ATP2A1: variants seen among roughly 807,000 people sequenced by gnomAD.
ATP2A1 encodes sarcoplasmic/endoplasmic reticulum calcium ATPase 1.
Under a neutral mutation model 109.5 loss-of-function variants are expected in ATP2A1, and 83 were observed. The ratio of observed to expected loss-of-function variants is 0.76; its 90% confidence interval spans 0.63 to 0.91. The LOEUF is 0.91. ATP2A1 is among the 40% of genes least tolerant of loss of function. ATP2A1 has a pLI of 0.00. For missense variants in ATP2A1, 1,101 were observed against 1,341.0 expected (o/e 0.82, Z 2.80); for synonymous variants, 505 against 537.6 (o/e 0.94, Z 0.84).
Position 28,879,134 on chromosome 16 carries a change from C to T in ATP2A1, c.136+18C>T. On this transcript the variant is annotated intron_variant, in intron 2 of 22. Transcript: ENST00000395503. ...TGAGGAAGGTAAGTTACTGGAATCC[C>T]TGAACTCTCATAAATGACCACCCCC... 1 of 1,614,024 alleles carries T rather than the reference C, an allele frequency of 6.2e-7. No individual in the cohort carries two copies. The highest frequency in any genetic ancestry group is 8.5e-7 in the Non-Finnish European group (1 of 1,179,950).
rs1409892710 is a variant in ATP2A1, at chr16:28,898,071, T to G, written c.1491T>G (p.Tyr497Ter). The part of the protein sequence containing the change: ...FSRDRKSMSV[Y>*]CSPAKSSRAA... ...GAGACAGAAAGTCCATGTCTGTCTA[T>G]TGCTCCCCAGCCAAATCTTCCCGGG... Residue 497 changes from tyrosine to a stop codon, truncating the protein, a stop_gained, in exon 13 of 23, where the codon TAT (tyrosine) becomes TAG (stop). Transcript: ENST00000395503. LOFTEE classifies it high-confidence loss of function. The surrounding 1 kb of genome is among the most constrained non-coding windows in gnomAD (Gnocchi z 4.0). 1 of 1,614,028 alleles carries G rather than the reference T, an allele frequency of 6.2e-7. No homozygotes were observed. Among genetic ancestry groups the G allele is most frequent in the African/African-American group, 1.3e-5 (1 of 74,928 alleles).
chr16:28,888,015 A>G (rs1054127909), intron 8 of ATP2A1, among the ~76,000 whole-genome samples: 8 of 150,596 alleles, frequency 5.3e-5, no homozygotes, highest in Middle Eastern at 3.4e-3. Flanking sequence ...GTTAGCCAGG[A>G]TGGTCTCGAT....
At position 28,880,058 on chromosome 16, in the gene ATP2A1, G is replaced by A. The variant is rs1963414395; in HGVS notation, c.219+475G>A. 4 of 1,004,276 alleles carry A rather than the reference G, an allele frequency of 4.0e-6. No homozygotes were observed. The highest frequency in any genetic ancestry group is 1.7e-5 in the African/African-American group (1 of 57,316). The allele number at this position is 1,004,276 out of a possible 1,614,324, so 62.2% of individuals were successfully genotyped here. On this transcript the variant is annotated intron_variant, in intron 3 of 22. Transcript: ENST00000395503. The surrounding 1 kb of genome is among the most constrained non-coding windows in gnomAD (Gnocchi z 4.2). ...CTCGCTCCTAGTGGCGGGAAAGCGC[G>A]GCGGTGTGATGATGACTCCAAGGAG...
At chr16:28,893,649 T>G (rs1490870254) in intron 9 of ATP2A1, among the ~76,000 whole-genome samples, 4 of 114,810 alleles carry the variant, frequency 3.5e-5, no homozygotes, top group East Asian at 3.0e-4. Flanking sequence ...TTGTGGGTTT[T>G]TTTTTGTTTT....
intron 15 of ATP2A1, 115 bp downstream of exon 15, chr16:28,901,031 G>C (rs879110439): frequency 7.3e-7 from 1 of 1,362,158 alleles, no homozygotes; most frequent in East Asian, 2.4e-5. Flanking sequence ...GAAGGGTGGG[G>C]ATTCAGACCC....
chr16:28,879,847 G>T, intron 3 of ATP2A1: 1 of 577,456 alleles, frequency 1.7e-6, no homozygotes, highest in Non-Finnish European at 2.7e-6. Flanking sequence ...TCAAGAGCTT[G>T]GAGAGCTCGG....
chr16:28,902,143 C>A lies in ATP2A1; in HGVS notation c.2322-41C>A. 6.2e-7 allele frequency: 1 copy of A among 1,613,930 alleles called. No homozygotes were observed. Among genetic ancestry groups the A allele is most frequent in the Non-Finnish European group, 8.5e-7 (1 of 1,179,780 alleles). On this transcript the variant is annotated intron_variant, in intron 16 of 22. Coordinates refer to ENST00000395503, the MANE Select transcript of ATP2A1 (RefSeq NM_004320.6). The surrounding 1 kb of genome is among the most constrained non-coding windows in gnomAD (Gnocchi z 4.8). ...GGGTTAGGGTGGGGTGGCTGCAGGT[C>A]TGGGAGGCAGGACAGAGGTGTGACC...
At chr16:28,899,758 TGAGAC>T (rs1249865934) in intron 14 of ATP2A1, among the ~76,000 whole-genome samples, 2 of 147,896 alleles carry the variant, frequency 1.4e-5, no homozygotes, top group Non-Finnish European at 3.0e-5. Flanking sequence ...GTTAGGAGTT[TGAGAC>T]CAACCTGGCC....
chr16:28,880,219 G>A lies in ATP2A1; in HGVS notation c.219+636G>A. The A allele has an allele frequency of 1.3e-6, 1 of 776,604 alleles. No homozygotes were observed. Among genetic ancestry groups the A allele is most frequent in the Non-Finnish European group, 1.6e-6 (1 of 635,516 alleles). The allele number at this position is 776,604 out of a possible 1,614,324, so 48.1% of individuals were successfully genotyped here. A position where few individuals can be genotyped will look rare whatever the true frequency, so the allele number is the denominator to read the frequency against. ...GCTCTGCCTCCTCTCCCGCCCTGGG[G>A]GCTACTCCCCATCCCGCGGTCCATC... On this transcript the variant is annotated intron_variant, in intron 3 of 22. Coordinates refer to ENST00000395503, the MANE Select transcript of ATP2A1 (RefSeq NM_004320.6). This position sits in a 1 kb window ranked among gnomAD's most constrained non-coding sequence, Gnocchi z 4.2.
At chr16:28,892,335 C>A (rs6565261) in intron 9 of ATP2A1, 124,934 of 394,762 alleles carry the variant, frequency 0.32, 23,865 homozygotes, top group South Asian at 0.63. Flanking sequence ...TGACCTCAGG[C>A]CAAGAACCCC....
At chr16:28,894,127 T>A in intron 9 of ATP2A1, 28 bp from the exon 10 acceptor site, 1 of 1,601,654 alleles carries the variant, frequency 6.2e-7, no homozygotes, top group Non-Finnish European at 8.6e-7. Flanking sequence ...GAGGTGGACA[T>A]CTGTGTGCCT....
chr16:28,903,572 TCC>T lies in ATP2A1; in HGVS notation c.2981-124_2981-123del, dbSNP rs1324010309. ...CTGGCAGGACCTGTGTCCGCCCCGT[TCC>T]CCCTGCGCCTGCAGGGGCCACATCT... On this transcript the variant is annotated intron_variant, in intron 21 of 22. Transcript: ENST00000395503. This position sits in a 1 kb window ranked among gnomAD's most constrained non-coding sequence, Gnocchi z 5.6. 4.2e-6 allele frequency: 5 copies of T among 1,202,862 alleles called. No homozygotes were observed. In the Admixed American group the frequency reaches 8.4e-5, roughly 20 times the overall value. 74.5% of individuals were successfully genotyped at this position (1,202,862 alleles called of 1,614,324 possible). A position where few individuals can be genotyped will look rare whatever the true frequency, so the allele number is the denominator to read the frequency against.
chr16:28,901,059 G>T, intron 15 of ATP2A1, 143 bp downstream of exon 15: 1 of 1,190,766 alleles, frequency 8.4e-7, no homozygotes, highest in East Asian at 2.5e-5. Context: ...GAGTCTGAAG[G>T]AGGATTTGTG....
Position 28,878,558 on chromosome 16 carries a change from G to A in ATP2A1, c.-114G>A. On this transcript the variant is annotated 5_prime_UTR_variant, in exon 1 of 23. Transcript: ENST00000395503. ...AGAAAAACCTGGAGGGGGCAGGAGA[G>A]TAAAAAGAAGAAACCCAGGCAGACA... The A allele has an allele frequency of 1.1e-6, 1 of 930,344 alleles. No homozygotes were observed. Among genetic ancestry groups the A allele is most frequent in the Non-Finnish European group, 1.7e-6 (1 of 587,118 alleles). 57.6% of individuals were successfully genotyped at this position (930,344 alleles called of 1,614,324 possible).
rs778326985 is a variant in ATP2A1 at position 28,898,314 on chromosome 16, G to A, written c.1627G>A (p.Glu543Lys). ...TRVPLTGPVK[E>K]KIMAVIKEWG... ...GGTGCCACTGACGGGGCCGGTGAAG[G>A]AAAAGATCATGGCGGTGATCAAGGA... is the stretch of plus-strand genomic sequence containing the variant. The change falls in exon 14 of 23, where the codon GAA (glutamate) becomes AAA (lysine). Residue 543 changes from glutamate (E) to lysine (K), a missense_variant. Coordinates refer to ENST00000395503, the MANE Select transcript of ATP2A1 (RefSeq NM_004320.6). This position sits in a 1 kb window ranked among gnomAD's most constrained non-coding sequence, Gnocchi z 4.0. 6.2e-7 allele frequency: 1 copy of A among 1,614,244 alleles called. No individual in the cohort carries two copies. The highest frequency in any genetic ancestry group is 1.7e-5 in the Admixed American group (1 of 60,030).
chr16:28,878,644 CG>C lies in ATP2A1; in HGVS notation c.-26del, dbSNP rs1963345420. 1.3e-6 allele frequency: 2 copies of C among 1,563,426 alleles called. No homozygotes were observed. Among genetic ancestry groups the C allele is most frequent in the East Asian group, 2.3e-5 (1 of 42,920 alleles). ...TGGGAACCCCCTGGAAGGAACACACCGGCCCCGGCCCCCAGGAAGGGAGCAC... is the reference window on the plus strand; with the variant it reads ...TGGGAACCCCCTGGAAGGAACACACCGCCCCGGCCCCCAGGAAGGGAGCAC... On this transcript the variant is annotated 5_prime_UTR_variant, in exon 1 of 23. Transcript: ENST00000395503.
intron 2 of ATP2A1, 191 bp downstream of exon 2, chr16:28,879,307 C>T: frequency 1.2e-6 from 1 of 860,570 alleles, no homozygotes; most frequent in Non-Finnish European, 1.9e-6. Context: ...AAGCAGCCAA[C>T]CCTTGAACTG....
At chr16:28,893,797 G>C (rs866122468) in intron 9 of ATP2A1, among the ~76,000 whole-genome samples, 11 of 151,752 alleles carry the variant, frequency 7.2e-5, no homozygotes, top group Admixed American at 3.9e-4. Flanking sequence ...TTACAGGCGC[G>C]CACCACCACA....
chr16:28,903,098 G>A lies in ATP2A1; in HGVS notation c.2813G>A (p.Cys938Tyr), dbSNP rs759181985. ...AACATCTGGCTGCTGGGCTCCATCT[G>A]CCTCTCCATGTCCCTGCACTTCCTC... ...WVNIWLLGSI[C>Y]LSMSLHFLIL... Residue 938 changes from cysteine (C) to tyrosine (Y), a missense_variant, in exon 20 of 23, where the codon TGC (cysteine) becomes TAC (tyrosine). Cys to Tyr is a radical substitution (Grantham distance 194). Transcript: ENST00000395503. This position sits in a 1 kb window ranked among gnomAD's most constrained non-coding sequence, Gnocchi z 5.6. 1 of 1,613,724 alleles carries A rather than the reference G, an allele frequency of 6.2e-7. No individual in the cohort carries two copies. Among genetic ancestry groups the A allele is most frequent in the South Asian group, 1.1e-5 (1 of 91,082 alleles).
Sources: allele counts gnomAD v4.1 joint callset (sites outside exome capture counted in the v4.1 genomes callset), GRCh38; gene constraint gnomAD v4.1.1; non-coding constraint Gnocchi (gnomAD v3.1); transcripts MANE v1.5; gene names NCBI Gene and HGNC (gene_info 2026-07-23, HGNC 2026-07-21).